The following CHAT variants were observed in gnomAD, a reference collection of about 807,000 sequenced individuals.
CHAT encodes the protein acetyl CoA:choline O-acetyltransferase.
A neutral mutation model predicts 76.9 loss-of-function variants in CHAT; 61 were observed. The ratio of observed to expected loss-of-function variants is 0.79; its 90% CI spans 0.65 to 0.98. The LOEUF (loss-of-function observed/expected upper bound fraction) is 0.98, where lower values mean the gene tolerates loss of function less well. Ranked by LOEUF, CHAT falls within the 50% of genes least tolerant of loss-of-function variation. The pLI is 0.00. For synonymous variants in CHAT, 407 were observed against 397.4 expected (o/e 1.02, Z -0.29); for missense variants, 946 against 986.9 (o/e 0.96, Z 0.56).
intron 7 of CHAT, among the ~76,000 whole-genome samples, chr10:49,629,492 C>T (rs1198508607): frequency 6.6e-6 from 1 of 152,214 alleles, no homozygotes; most frequent in Non-Finnish European, 1.5e-5. Flanking sequence ...GTAATCAAAT[C>T]CCACTCTTCT....
At chr10:49,610,688 G>C (rs1030884563), upstream of CHAT, 68 of 1,443,918 alleles carry the variant, frequency 4.7e-5, no homozygotes, top group Non-Finnish European at 5.9e-5. Flanking sequence ...ACTGCGGGAC[G>C]CCAGCGCTCG....
intron 11 of CHAT, among the ~76,000 whole-genome samples, chr10:49,653,897 A>G (rs1347684831): frequency 6.6e-6 from 1 of 152,228 alleles, no homozygotes; most frequent in Non-Finnish European, 1.5e-5. Context: ...TGCAGCCTGC[A>G]CAATGCACCC....
intron 2 of CHAT, among the ~76,000 whole-genome samples, chr10:49,619,257 A>G (rs1400616590): frequency 6.6e-6 from 1 of 152,232 alleles, no homozygotes; most frequent in East Asian, 1.9e-4. Flanking sequence ...ATTAAGAGTC[A>G]CCAGCAGCCA....
intron 2 of CHAT, among the ~76,000 whole-genome samples, chr10:49,617,784 G>A (rs1838552879): frequency 6.6e-6 from 1 of 152,162 alleles, no homozygotes; most frequent in South Asian, 2.1e-4. Context: ...CTGGGTTGGG[G>A]GCCCAGACCT....
Position 49,614,281 on chromosome 10 carries a change from T to A in CHAT, c.92T>A (p.Val31Glu), listed in dbSNP as rs1016283273. 13 of 1,547,638 alleles carry A rather than the reference T, an allele frequency of 8.4e-6. No homozygotes were observed. In the African/African-American group the frequency reaches 1.8e-4, roughly 21 times the overall value. Residue 31 changes from valine to glutamate, a missense_variant, in exon 1 of 15, where the codon GTG becomes GAG. This residue lies in a region of CHAT where 548 missense variants were observed against 516.2 expected (regional missense o/e 1.06). Coordinates refer to ENST00000337653, the MANE Select transcript of CHAT (RefSeq NM_020549.5). The stretch of plus-strand genomic sequence containing the variant: ...GGAGGTACAAGAGGAAGGAGAGAAG[T>A]GCGGCCAGCTTGCTTTCTCCAGTCG... ...EGGGTRGRRE[V>E]RPACFLQSGG...
intron 14 of CHAT, among the ~76,000 whole-genome samples, chr10:49,663,566 C>A (rs1840264644): frequency 6.6e-6 from 1 of 152,220 alleles, no homozygotes; most frequent in Non-Finnish European, 1.5e-5. Flanking sequence ...AACATCTAAC[C>A]AGTGCCTCAG....
intron 5 of CHAT, among the ~76,000 whole-genome samples, chr10:49,623,894 A>G (rs1343043748): frequency 1.3e-5 from 2 of 152,120 alleles, no homozygotes; most frequent in Non-Finnish European, 2.9e-5. Flanking sequence ...CTGCCCTCAC[A>G]AGACATCACG....
chr10:49,633,653 C>T (rs1839200775), intron 7 of CHAT, among the ~76,000 whole-genome samples: 1 of 152,164 alleles, frequency 6.6e-6, no homozygotes, highest in South Asian at 2.1e-4. Context: ...AACCCGTTAT[C>T]CTGGCCTGGA....
chr10:49,620,575 T>C lies in CHAT; in HGVS notation c.660T>C (p.Phe220=), dbSNP rs755203528. Residue 220 remains phenylalanine (F), a synonymous_variant, in exon 4 of 15, where the codon TTT becomes TTC. Transcript: ENST00000337653. ...TCAACTCCAGCCCTGCCGTGATCTT[T>C]GCTCGGCAGCACTTCCCTGGCACCG... The part of the protein sequence containing the change: ...LPVNSSPAVI[F]ARQHFPGTDD... 14 of 1,613,792 alleles carry C rather than the reference T, an allele frequency of 8.7e-6. No homozygotes were observed. Among genetic ancestry groups the C allele is most frequent in the Non-Finnish European group, 1.2e-5 (14 of 1,179,742 alleles).
At chr10:49,611,459 G>A, upstream of CHAT, 2 of 1,598,248 alleles carry the variant, frequency 1.3e-6, no homozygotes, top group East Asian at 4.5e-5. Flanking sequence ...GAGTTCGCCG[G>A]CAAGCGCGTG....
chr10:49,632,855 G>T (rs1839171502), intron 7 of CHAT, among the ~76,000 whole-genome samples: 1 of 152,194 alleles, frequency 6.6e-6, no homozygotes, highest in Non-Finnish European at 1.5e-5. Context: ...CTGCCAGGGT[G>T]GCACAGCCCA....
At chr10:49,633,079 G>A (rs914132777) in intron 7 of CHAT, among the ~76,000 whole-genome samples, 4 of 152,234 alleles carry the variant, frequency 2.6e-5, no homozygotes, top group Admixed American at 6.5e-5. Context: ...GGGAGGCCAC[G>A]TCCACAGAGG....
chr10:49,614,543 C>T, intron 1 of CHAT, 68 bp downstream of exon 1: 2 of 1,322,576 alleles, frequency 1.5e-6, no homozygotes, highest in Non-Finnish European at 2.1e-6. Context: ...GTCGGGGGCT[C>T]TATCCAGGGA....
intron 7 of CHAT, among the ~76,000 whole-genome samples, chr10:49,639,939 T>C (rs1015563561): frequency 3.0e-4 from 45 of 152,270 alleles, no homozygotes; most frequent in African/African-American, 1.1e-3. Flanking sequence ...CACTGATTCT[T>C]TTCTCTCCTC....
chr10:49,666,679 A>G lies in CHAT; in HGVS notation c.*1633A>G, dbSNP rs893866413. Reference sequence around the variant, plus strand: ...CAGCCTCAAGAAGTGAGTTCCTTGAACCCCTGGTTTTAGATGGAGGATCTC... The same window carrying G: ...CAGCCTCAAGAAGTGAGTTCCTTGAGCCCCTGGTTTTAGATGGAGGATCTC... On this transcript the variant is annotated 3_prime_UTR_variant, in exon 15 of 15. Transcript: ENST00000337653. 6.6e-6 allele frequency among the ~76,000 whole-genome samples: 1 copy of G among 152,124 alleles called. No individual in the cohort carries two copies. Among genetic ancestry groups the G allele is most frequent in the African/African-American group, 2.4e-5 (1 of 41,422 alleles).
At chr10:49,616,285 ACT>A (rs1838490072) in intron 1 of CHAT, among the ~76,000 whole-genome samples, 2 of 152,004 alleles carry the variant, frequency 1.3e-5, no homozygotes, top group South Asian at 4.2e-4. Flanking sequence ...TTTAGGAACC[ACT>A]CTCTCCCATA....
At chr10:49,622,925 C>G (rs1838782069) in intron 5 of CHAT, among the ~76,000 whole-genome samples, 1 of 152,164 alleles carries the variant, frequency 6.6e-6, no homozygotes. Flanking sequence ...CAGTCTTTAC[C>G]CAGCCTTGGG....
upstream of CHAT, chr10:49,610,698 G>C (rs766891845): frequency 1.2e-5 from 18 of 1,449,702 alleles, no homozygotes; most frequent in East Asian, 4.6e-4. Flanking sequence ...GCCAGCGCTC[G>C]GCCCTGGCGG....
intron 11 of CHAT, among the ~76,000 whole-genome samples, chr10:49,654,269 T>C (rs950875744): frequency 3.3e-5 from 5 of 152,234 alleles, no homozygotes; most frequent in East Asian, 1.9e-4. Context: ...GACTTGGACA[T>C]GGCCTTCCCA....
Sources: gnomAD v4.1 joint callset for allele counts (sites outside exome capture counted in the v4.1 genomes callset) on GRCh38, gnomAD v4.1.1 for gene constraint, gnomAD v4.1.1 regional missense constraint, MANE v1.5 for transcripts, NCBI Gene and HGNC (gene_info 2026-07-23, HGNC 2026-07-21) for gene names.